The following KCND3 variants were observed in gnomAD, a reference collection of about 807,000 sequenced individuals.
KCND3 encodes A-type voltage-gated potassium channel KCND3.
A neutral mutation model predicts 51.1 loss-of-function variants in KCND3; 9 were observed. That is an observed-to-expected ratio of 0.18 (90% CI 0.11 to 0.31). The LOEUF is 0.31. Ranked by LOEUF, KCND3 falls within the 10% of genes least tolerant of loss-of-function variation. The pLI is 1.00. For missense variants in KCND3, 526 were observed against 903.8 expected, an observed-to-expected ratio of 0.58 and a Z score of 5.36; for synonymous variants, 349 against 368.0, an observed-to-expected ratio of 0.95 and a Z score of 0.59.
intron 2 of KCND3, among the ~76,000 whole-genome samples, chr1:111,833,373 T>C (rs1313797770): frequency 1.3e-5 from 2 of 152,234 alleles, no homozygotes; most frequent in African/African-American, 4.8e-5. Context: ...GTATCCAATA[T>C]ATCCTTATTG....
chr1:111,969,108 C>T (rs891830470), intron 2 of KCND3, among the ~76,000 whole-genome samples: 1 of 151,858 alleles, frequency 6.6e-6, no homozygotes, highest in African/African-American at 2.4e-5. Flanking sequence ...CCAGTATGTG[C>T]TTCCCCTGCT....
intron 2 of KCND3, among the ~76,000 whole-genome samples, chr1:111,978,861 G>A (rs550615842): frequency 6.6e-6 from 1 of 152,328 alleles, no homozygotes; most frequent in South Asian, 2.1e-4. Flanking sequence ...AAAGCATTTT[G>A]CCAAGTGCTT....
chr1:111,813,750 C>T (rs1449738735), intron 2 of KCND3, among the ~76,000 whole-genome samples: 2 of 152,250 alleles, frequency 1.3e-5, no homozygotes, highest in Non-Finnish European at 2.9e-5. Context: ...AGGAGCCAGG[C>T]AGGCCTCACT....
chr1:111,795,509 A>G (rs1665016701), intron 2 of KCND3, among the ~76,000 whole-genome samples: 1 of 152,246 alleles, frequency 6.6e-6, no homozygotes, highest in Non-Finnish European at 1.5e-5. Context: ...ACTGAAGCTC[A>G]GAGAAGTTAA....
At chr1:111,803,960 C>A (rs1444521603) in intron 2 of KCND3, among the ~76,000 whole-genome samples, 2 of 152,206 alleles carry the variant, frequency 1.3e-5, no homozygotes, top group Non-Finnish European at 2.9e-5. Context: ...ATCTTGCCAA[C>A]TAGATTCTTG....
In KCND3 at chr1:111,912,788, G is replaced by C. The variant is rs1348414947; in HGVS notation, c.1106+68833C>G. Among the ~76,000 whole-genome samples the C allele has an allele frequency of 3.9e-5, 6 of 152,128 alleles. No individual in the cohort carries two copies. The East Asian group carries it at 1.2e-3, about 29-fold the overall frequency. On this transcript the variant is annotated intron_variant, in intron 2 of 7. Transcript: ENST00000302127. ...TTTTTAAAATAGAAAAACTTATATA[G>C]AGTACGGATGTAAATAAATATTTTT...
chr1:111,894,882 A>C (rs889561228), intron 2 of KCND3, among the ~76,000 whole-genome samples: 10 of 151,960 alleles, frequency 6.6e-5, no homozygotes, highest in African/African-American at 9.7e-5. Flanking sequence ...GCAGCAGCAG[A>C]AGGAGGAGGA....
At chr1:111,817,688 T>A (rs1407128286) in intron 2 of KCND3, among the ~76,000 whole-genome samples, 1 of 152,214 alleles carries the variant, frequency 6.6e-6, no homozygotes, top group Non-Finnish European at 1.5e-5. Flanking sequence ...ATGCCTCACA[T>A]TTCTAACAAA....
chr1:111,815,010 A>G (rs1337171921), intron 2 of KCND3, among the ~76,000 whole-genome samples: 2 of 152,224 alleles, frequency 1.3e-5, no homozygotes, highest in Admixed American at 6.5e-5. Context: ...ACACAAAGCA[A>G]TGGGCCCTTG....
chr1:111,820,484 A>G (rs1476467379), intron 2 of KCND3, among the ~76,000 whole-genome samples: 1 of 152,178 alleles, frequency 6.6e-6, no homozygotes, highest in Non-Finnish European at 1.5e-5. Context: ...TGCCTTGAAT[A>G]TATTATACCT....
Position 111,780,745 on chromosome 1 carries a change from T to C in KCND3, c.1316A>G (p.Asn439Ser), listed in dbSNP as rs1477940737. 2 of 1,613,520 alleles carry C rather than the reference T, an allele frequency of 1.2e-6. No homozygotes were observed. Among genetic ancestry groups the C allele is most frequent in the Non-Finnish European group, 1.7e-6 (2 of 1,179,870 alleles). The part of the protein sequence containing the change: ...RIRVAKTGSS[N>S]AYLHSKRNGL... Reference sequence around the variant, plus strand: ...GTTGCGCTTGCTGTGCAGGTATGCATTCGAACTGCCTGTTTTGGCCACACG... The same window carrying C: ...GTTGCGCTTGCTGTGCAGGTATGCACTCGAACTGCCTGTTTTGGCCACACG... Residue 439 changes from asparagine (N) to serine (S), a missense_variant, in exon 4 of 8, where the codon AAT becomes AGT. Around this residue, in one of 5 missense-constraint regions of KCND3, gnomAD observed 266 missense variants for 305.5 expected, o/e 0.87. Coordinates refer to ENST00000302127, the MANE Select transcript of KCND3 (RefSeq NM_001378969.1). The surrounding 1 kb of genome is among the most constrained non-coding windows in gnomAD (Gnocchi z 4.2).
At chr1:111,889,617 T>G (rs1212187671) in intron 2 of KCND3, among the ~76,000 whole-genome samples, 2 of 152,116 alleles carry the variant, frequency 1.3e-5, no homozygotes, top group Non-Finnish European at 2.9e-5. Flanking sequence ...GACAGGTCTA[T>G]GCCTGTCTCT....
At chr1:111,884,858 A>G (rs1215285092) in intron 2 of KCND3, among the ~76,000 whole-genome samples, 2 of 152,166 alleles carry the variant, frequency 1.3e-5, no homozygotes, top group Non-Finnish European at 2.9e-5. Flanking sequence ...GGGTTTCTCT[A>G]TCTTGGCACT....
At chr1:111,814,912 C>T (rs1228566345) in intron 2 of KCND3, among the ~76,000 whole-genome samples, 2 of 152,224 alleles carry the variant, frequency 1.3e-5, no homozygotes, top group Admixed American at 1.3e-4. Context: ...ATTAAGGAGG[C>T]CCACCCAGTG....
intron 2 of KCND3, among the ~76,000 whole-genome samples, chr1:111,856,156 C>T (rs1571747696): frequency 6.6e-6 from 1 of 152,218 alleles, no homozygotes; most frequent in Admixed American, 6.5e-5. Context: ...ACCTGCCTTG[C>T]AGGGGAGAGA....
chr1:111,778,407 ACAT>A (rs1557931693), intron 6 of KCND3, 26 bp downstream of exon 6: 1 of 1,596,226 alleles, frequency 6.3e-7, no homozygotes. Flanking sequence ...AGAGAGAAAA[ACAT>A]CAATTGAATT....
chr1:111,897,906 T>G (rs1482510233), intron 2 of KCND3, among the ~76,000 whole-genome samples: 2 of 152,216 alleles, frequency 1.3e-5, no homozygotes, highest in Admixed American at 6.5e-5. Context: ...AAATATGCCT[T>G]AGGCCACCAA....
At chr1:111,878,968 G>A (rs77752844) in intron 2 of KCND3, among the ~76,000 whole-genome samples, 2 of 152,256 alleles carry the variant, frequency 1.3e-5, no homozygotes, top group East Asian at 3.9e-4. Context: ...GCCTGAATAG[G>A]ACAAAAAACA....
intron 1 of KCND3, among the ~76,000 whole-genome samples, chr1:111,983,627 A>G (rs1160583217): frequency 3.9e-5 from 6 of 152,050 alleles, no homozygotes; most frequent in Admixed American, 3.9e-4. Flanking sequence ...CCTCCCCAGA[A>G]GAAGCCGATC....
Sources: allele counts gnomAD v4.1 joint callset (sites outside exome capture counted in the v4.1 genomes callset), GRCh38; gene constraint gnomAD v4.1.1; regional missense constraint gnomAD v4.1.1; non-coding constraint Gnocchi (gnomAD v3.1); transcripts MANE v1.5; gene names NCBI Gene and HGNC (gene_info 2026-07-23, HGNC 2026-07-21).